Variants in CENPP observed in about 807,000 individuals in gnomAD.
CENPP encodes the protein centromere protein P.
Under a neutral mutation model 35.6 loss-of-function variants are expected in CENPP, and 24 were observed. The ratio of observed to expected loss-of-function variants is 0.67; its 90% CI spans 0.49 to 0.95. The LOEUF (loss-of-function observed/expected upper bound fraction) is 0.95, where lower values mean the gene tolerates loss of function less well. Among genes scored for constraint, CENPP ranks in the 40% least tolerant of loss-of-function variants. The pLI is 0.00. For synonymous variants in CENPP, 120 were observed against 125.5 expected (o/e 0.96, Z 0.29); for missense variants, 332 against 345.3 (o/e 0.96, Z 0.31).
intron 5 of CENPP, chr9:92,457,359 C>G (rs750126730): frequency 1.1e-5 from 17 of 1,613,892 alleles, no homozygotes; most frequent in Non-Finnish European, 1.4e-5. Context: ...GGTTGCATTT[C>G]CCAGTATTTC....
At chr9:92,371,049 C>T (rs1007119405) in intron 4 of CENPP, among the ~76,000 whole-genome samples, 2 of 151,980 alleles carry the variant, frequency 1.3e-5, no homozygotes, top group Non-Finnish European at 2.9e-5. Context: ...AAATAACCAA[C>T]GTTTTGTTTT....
At chr9:92,516,075 C>T (rs185219551) in intron 5 of CENPP, among the ~76,000 whole-genome samples, 1 of 149,546 alleles carries the variant, frequency 6.7e-6, no homozygotes, top group Non-Finnish European at 1.5e-5. Context: ...TTTTTTTTCC[C>T]CCCCCCGAGA....
intron 5 of CENPP, chr9:92,403,177 A>G (rs1299800423): frequency 8.4e-7 from 1 of 1,195,204 alleles, no homozygotes; most frequent in African/African-American, 1.5e-5. Context: ...AAAAGCAAAA[A>G]CATGCATTTA....
chr9:92,489,092 A>C (rs1364498976), intron 5 of CENPP, among the ~76,000 whole-genome samples: 1 of 152,244 alleles, frequency 6.6e-6, no homozygotes, highest in Non-Finnish European at 1.5e-5. Flanking sequence ...TCCTTTACAA[A>C]TAACAGTATG....
intron 5 of CENPP, chr9:92,539,112 C>A (rs1849255264): frequency 6.6e-6 from 1 of 152,226 alleles, no homozygotes; most frequent in Admixed American, 6.5e-5. Flanking sequence ...CCTGCCCACG[C>A]ACTGAATATT....
chr9:92,463,111 G>A (rs181454183), intron 5 of CENPP, among the ~76,000 whole-genome samples: 18 of 152,266 alleles, frequency 1.2e-4, no homozygotes, highest in African/African-American at 3.4e-4. Flanking sequence ...CTTTTGTACC[G>A]GAATTTCTGT....
rs78512084 is a variant in CENPP, at chr9:92,348,901, G to C, written c.467+3114G>C. On this transcript the variant is annotated intron_variant, in intron 4 of 7. Coordinates refer to ENST00000375587, the MANE Select transcript of CENPP (RefSeq NM_001012267.3). ...GCATAGGTTGTGACAAAAAGACTGC[G>C]ATGATTGTTATCTTTATTTTTCTGT... 2.2e-4 allele frequency among the ~76,000 whole-genome samples: 33 copies of C among 152,320 alleles called. No homozygotes were observed. The South Asian group carries it at 6.6e-3, about 31-fold the overall frequency.
chr9:92,447,838 C>G (rs1844591804), intron 5 of CENPP, among the ~76,000 whole-genome samples: 1 of 152,162 alleles, frequency 6.6e-6, no homozygotes, highest in African/African-American at 2.4e-5. Context: ...GGAGGAAAAA[C>G]AGAGTCAATA....
intron 5 of CENPP, among the ~76,000 whole-genome samples, chr9:92,383,619 A>G (rs753390090): frequency 3.3e-5 from 5 of 152,046 alleles, no homozygotes; most frequent in Non-Finnish European, 7.4e-5. Flanking sequence ...TGGTGGTATA[A>G]TTTGTATTGT....
chr9:92,486,894 G>A (rs1846072544), intron 5 of CENPP, among the ~76,000 whole-genome samples: 2 of 151,346 alleles, frequency 1.3e-5, no homozygotes, highest in African/African-American at 2.4e-5. Context: ...CAATTCTCCT[G>A]CCTCAGCCTC....
chr9:92,426,254 G>A (rs1564314612), intron 5 of CENPP, among the ~76,000 whole-genome samples: 1 of 152,100 alleles, frequency 6.6e-6, no homozygotes, highest in Non-Finnish European at 1.5e-5. Context: ...GAGAAAAGGA[G>A]TTGAATTGTT....
intron 5 of CENPP, among the ~76,000 whole-genome samples, chr9:92,542,234 T>A (rs1451634773): frequency 6.6e-6 from 1 of 152,224 alleles, no homozygotes; most frequent in Non-Finnish European, 1.5e-5. Flanking sequence ...CTTTGCCTAT[T>A]TTCTTGATTG....
chr9:92,325,853 G>A (rs1488827348), upstream of CENPP: 1 of 607,142 alleles, frequency 1.6e-6, no homozygotes, highest in Non-Finnish European at 2.9e-6. Flanking sequence ...GGGCCGCTGG[G>A]GTCACGCGGA....
chr9:92,612,439 T>C (rs1851288511), intron 6 of CENPP, 84 bp from the exon 7 acceptor site: 1 of 1,056,746 alleles, frequency 9.5e-7, no homozygotes, highest in Non-Finnish European at 1.5e-6. Flanking sequence ...CATGGGGAAA[T>C]GGAGACCAGG....
At chr9:92,589,713 G>A (rs775634995) in intron 5 of CENPP, among the ~76,000 whole-genome samples, 3 of 152,220 alleles carry the variant, frequency 2.0e-5, no homozygotes, top group South Asian at 2.1e-4. Context: ...ATGCGTTTAC[G>A]AAAGATTTCA....
intron 4 of CENPP, among the ~76,000 whole-genome samples, chr9:92,372,400 T>C (rs1161166110): frequency 6.6e-6 from 1 of 152,132 alleles, no homozygotes; most frequent in African/African-American, 2.4e-5. Flanking sequence ...TGTCATACTG[T>C]TGTTTTCTGT....
At chr9:92,429,735 C>T (rs1351225839) in intron 5 of CENPP, among the ~76,000 whole-genome samples, 1 of 151,928 alleles carries the variant, frequency 6.6e-6, no homozygotes, top group African/African-American at 2.4e-5. Context: ...TGCAGTGAGC[C>T]GAGATTGCAC....
At chr9:92,587,681 G>A (rs974440632) in intron 5 of CENPP, among the ~76,000 whole-genome samples, 5 of 152,176 alleles carry the variant, frequency 3.3e-5, no homozygotes, top group African/African-American at 1.2e-4. Flanking sequence ...GGTGGGTGGT[G>A]GTTGTTGGGG....
intron 5 of CENPP, among the ~76,000 whole-genome samples, chr9:92,418,160 C>T (rs1843675620): frequency 6.6e-6 from 1 of 151,754 alleles, no homozygotes; most frequent in Non-Finnish European, 1.5e-5. Context: ...AGGCTTGGCT[C>T]ACTGCAGCCT....
Sources: allele counts gnomAD v4.1 joint callset (sites outside exome capture counted in the v4.1 genomes callset), GRCh38; gene constraint gnomAD v4.1.1; transcripts MANE v1.5; gene names NCBI Gene and HGNC (gene_info 2026-07-23, HGNC 2026-07-21).